GLI2: variants seen among roughly 807,000 people sequenced by gnomAD.
GLI2 encodes the protein GLI family zinc finger 2.
A neutral mutation model predicts 78.9 loss-of-function variants in GLI2; 22 were observed. The ratio of observed to expected loss-of-function variants is 0.28; its 90% CI spans 0.20 to 0.40. The LOEUF is 0.40. Among genes scored for constraint, GLI2 ranks in the 10% least tolerant of loss-of-function variants. GLI2 has a pLI of 1.00. For synonymous variants in GLI2, 974 were observed against 963.7 expected (o/e 1.01, Z -0.20); for missense variants, 2,097 against 2,213.2 (o/e 0.95, Z 1.05).
intron 2 of GLI2, among the ~76,000 whole-genome samples, chr2:120,812,324 C>T (rs1206520544): frequency 2.6e-5 from 4 of 152,160 alleles, no homozygotes; most frequent in African/African-American, 4.8e-5. Flanking sequence ...CCCCAGGAGC[C>T]GCTGGATGGG....
At chr2:120,852,130 A>G (rs1188555581) in intron 2 of GLI2, among the ~76,000 whole-genome samples, 4 of 152,214 alleles carry the variant, frequency 2.6e-5, no homozygotes, top group Non-Finnish European at 4.4e-5. Flanking sequence ...GGAAGGCCCT[A>G]AGGGAGTTGT....
At chr2:120,899,119 C>A (rs982772421) in intron 2 of GLI2, among the ~76,000 whole-genome samples, 1 of 152,196 alleles carries the variant, frequency 6.6e-6, no homozygotes, top group East Asian at 1.9e-4. Flanking sequence ...AAGCCTCCTG[C>A]ACCCCGCCAG....
intron 3 of GLI2, among the ~76,000 whole-genome samples, chr2:120,929,549 GTCTA>G (rs1345520736): frequency 2.0e-5 from 3 of 152,214 alleles, no homozygotes; most frequent in Admixed American, 6.5e-5. Context: ...ATATTTGGTT[GTCTA>G]TTGTTATGCA....
At chr2:120,763,009 G>C (rs1208971044) in intron 1 of GLI2, among the ~76,000 whole-genome samples, 1 of 152,214 alleles carries the variant, frequency 6.6e-6, no homozygotes, top group Non-Finnish European at 1.5e-5. Flanking sequence ...CTTTCCATAT[G>C]GGGGACCACA....
intron 1 of GLI2, among the ~76,000 whole-genome samples, chr2:120,757,355 T>C (rs1683064644): frequency 6.6e-6 from 1 of 152,238 alleles, no homozygotes; most frequent in Non-Finnish European, 1.5e-5. Flanking sequence ...ATATGATTCA[T>C]TTACTTGCAA....
intron 5 of GLI2, among the ~76,000 whole-genome samples, chr2:120,962,217 G>T (rs76280968): frequency 0.013 from 2,048 of 152,270 alleles, 15 homozygotes; most frequent in Non-Finnish European, 0.023. Context: ...TGAGTCCAGG[G>T]CCTGTTCTTG....
At chr2:120,770,267 AG>A (rs1029520278) in intron 1 of GLI2, among the ~76,000 whole-genome samples, 7 of 152,082 alleles carry the variant, frequency 4.6e-5, no homozygotes, top group African/African-American at 1.7e-4. Flanking sequence ...CCTCCTGTCC[AG>A]GCCTTGCCTG....
intron 3 of GLI2, among the ~76,000 whole-genome samples, chr2:120,941,050 G>A (rs1044374866): frequency 2.0e-5 from 3 of 152,190 alleles, no homozygotes; most frequent in Non-Finnish European, 4.4e-5. Context: ...CAGCTGATCC[G>A]GGGGAGTGAC....
At chr2:120,811,029 T>G (rs956354665) in intron 2 of GLI2, among the ~76,000 whole-genome samples, 2 of 152,188 alleles carry the variant, frequency 1.3e-5, no homozygotes, top group Non-Finnish European at 2.9e-5. Flanking sequence ...CCATGCACCC[T>G]TGTGAACCAT....
chr2:120,779,686 G>A (rs1473768608), intron 1 of GLI2, among the ~76,000 whole-genome samples: 1 of 152,240 alleles, frequency 6.6e-6, no homozygotes, highest in Admixed American at 6.5e-5. Context: ...TATTCACAGG[G>A]AGGAAACTGA....
At chr2:120,889,005 G>C (rs527293060) in intron 2 of GLI2, among the ~76,000 whole-genome samples, 29 of 152,252 alleles carry the variant, frequency 1.9e-4, no homozygotes, top group African/African-American at 6.5e-4. Flanking sequence ...GGAGGCCCAG[G>C]CTAGACGGCC....
intron 2 of GLI2, among the ~76,000 whole-genome samples, chr2:120,825,017 A>G (rs1161949268): frequency 6.6e-6 from 1 of 151,920 alleles, no homozygotes; most frequent in East Asian, 1.9e-4. Flanking sequence ...TGTATTTTTT[A>G]TAGAGACAGG....
chr2:120,777,742 A>G lies in GLI2; in HGVS notation c.-30-19549A>G, dbSNP rs147186285. ...CCTAGTGTGGTCAGAGTGGGAGCAC[A>G]GAAGCTTGGGGGGTCTCTGCAGACA... On this transcript the variant is annotated intron_variant, in intron 1 of 13. Transcript: ENST00000361492. Among the ~76,000 whole-genome samples the G allele has an allele frequency of 7.6e-3, 926 of 121,504 alleles. 8 individuals carry two copies. The highest frequency in any genetic ancestry group is 0.028 in the African/African-American group (857 of 31,046). The allele number at this position is 121,504 out of a possible 152,430, so 79.7% of individuals were successfully genotyped here.
At chr2:120,886,640 G>C (rs796616833) in intron 2 of GLI2, among the ~76,000 whole-genome samples, 10 of 152,304 alleles carry the variant, frequency 6.6e-5, no homozygotes, top group African/African-American at 2.4e-4. Flanking sequence ...TTCCTGAGGG[G>C]CGTGAGTGGG....
intron 2 of GLI2, among the ~76,000 whole-genome samples, chr2:120,874,481 C>G (rs752968207): frequency 1.5e-4 from 23 of 152,242 alleles, no homozygotes; most frequent in Non-Finnish European, 3.2e-4. Flanking sequence ...CCTAGCCATG[C>G]TGGCTTCTCC....
intron 1 of GLI2, among the ~76,000 whole-genome samples, chr2:120,754,751 G>A (rs997991872): frequency 1.3e-5 from 2 of 152,090 alleles, no homozygotes; most frequent in South Asian, 2.1e-4. Flanking sequence ...CATTGTATGC[G>A]CATGTGCTTT....
intron 1 of GLI2, among the ~76,000 whole-genome samples, chr2:120,743,735 TC>T (rs934626540): frequency 2.6e-5 from 4 of 152,208 alleles, no homozygotes; most frequent in African/African-American, 7.2e-5. Flanking sequence ...GCAAGTTGCT[TC>T]GCCTATCTCT....
At chr2:120,964,811 C>G (rs570143664) in intron 5 of GLI2, among the ~76,000 whole-genome samples, 1 of 152,392 alleles carries the variant, frequency 6.6e-6, no homozygotes, top group East Asian at 1.9e-4. Context: ...GACGGGACGT[C>G]CGCCTGGCCC....
Position 120,737,594 on chromosome 2 carries a change from C to T in GLI2, c.-31+1309C>T, listed in dbSNP as rs1573541635. Among the ~76,000 whole-genome samples the T allele has an allele frequency of 6.6e-6, 1 of 152,300 alleles. No individual in the cohort carries two copies. The highest frequency in any genetic ancestry group is 1.9e-4 in the East Asian group (1 of 5,168). On this transcript the variant is annotated intron_variant, in intron 1 of 13. Transcript: ENST00000361492. The surrounding 1 kb of genome is among the most constrained non-coding windows in gnomAD (Gnocchi z 4.3). ...CCCGCTCGGTGCGCGACCTCTGGCA[C>T]GGGCTTTGCAGCTCGGTGGCCGCAG...
Sources: gnomAD v4.1 joint callset for allele counts (sites outside exome capture counted in the v4.1 genomes callset) on GRCh38, gnomAD v4.1.1 for gene constraint, Gnocchi (gnomAD v3.1) non-coding constraint, MANE v1.5 for transcripts, NCBI Gene and HGNC (gene_info 2026-07-23, HGNC 2026-07-21) for gene names.